The following MED1 variants were observed in gnomAD, a reference collection of about 807,000 sequenced individuals.
MED1 encodes the protein mediator complex subunit 1.
Under a neutral mutation model 121.3 loss-of-function variants are expected in MED1, and 17 were observed. That is an observed-to-expected ratio of 0.14 (90% confidence interval 0.10 to 0.21). The LOEUF (loss-of-function observed/expected upper bound fraction) is 0.21, where lower values mean the gene tolerates loss of function less well. MED1 is among the 10% of genes least tolerant of loss of function. The probability of loss-of-function intolerance (pLI) is 1.00; values close to 1 mark genes in which losing one functional copy is unlikely to be tolerated. For missense variants in MED1, 1,558 were observed against 1,919.4 expected, an observed-to-expected ratio of 0.81 and a Z score of 3.52; for synonymous variants, 661 against 694.4, an observed-to-expected ratio of 0.95 and a Z score of 0.76.
Position 39,404,768 on chromosome 17 carries a change from A to T in MED1, c.*2707T>A. The T allele has an allele frequency of 6.5e-6, 1 of 153,652 alleles. No homozygotes were observed. The highest frequency in any genetic ancestry group is 1.5e-5 in the Non-Finnish European group (1 of 68,822). 9.5% of individuals were successfully genotyped at this position (153,652 alleles called of 1,614,324 possible). A position where few individuals can be genotyped will look rare whatever the true frequency, so the allele number is the denominator to read the frequency against. On this transcript the variant is annotated 3_prime_UTR_variant, in exon 17 of 17. Coordinates refer to ENST00000300651, the MANE Select transcript of MED1 (RefSeq NM_004774.4). ...GAGAATTCATGATATTGCTGCACTT[A>T]ATTTTCTGATCTAGGCCTGAAGAAA...
At chr17:39,420,261 G>GC (rs2048449422) in intron 13 of MED1, among the ~76,000 whole-genome samples, 1 of 146,638 alleles carries the variant, frequency 6.8e-6, no homozygotes, top group Non-Finnish European at 1.5e-5. Flanking sequence ...GTGCAGTGGT[G>GC]CGATCTCGGC....
intron 1 of MED1, among the ~76,000 whole-genome samples, chr17:39,450,771 C>A (rs555361412): frequency 3.3e-5 from 5 of 152,274 alleles, no homozygotes; most frequent in African/African-American, 1.2e-4. Context: ...ATTTTGTATT[C>A]ATTTGCCCCG....
chr17:39,439,740 C>A (rs1173659719), intron 5 of MED1, among the ~76,000 whole-genome samples: 1 of 151,954 alleles, frequency 6.6e-6, no homozygotes, highest in Non-Finnish European at 1.5e-5. Flanking sequence ...GAGCTGGAGA[C>A]CAGCCTGGCC....
chr17:39,422,781 C>G (rs1312078668), intron 13 of MED1, among the ~76,000 whole-genome samples: 1 of 150,572 alleles, frequency 6.6e-6, no homozygotes, highest in Non-Finnish European at 1.5e-5. Flanking sequence ...GGCCAATCAC[C>G]CAAAATTTCA....
chr17:39,414,634 CTTT>C lies in MED1; in HGVS notation c.1499+389_1499+391del, dbSNP rs55829399. On this transcript the variant is annotated intron_variant, in intron 16 of 16. Coordinates refer to ENST00000300651, the MANE Select transcript of MED1 (RefSeq NM_004774.4). ...ACAGGCGTGAGCCACCAGGCCCGGC[CTTT>C]TTTTTTTTTTTTTTTTTTTTTTTTT... Among the ~76,000 whole-genome samples, 196 of 61,212 alleles carry C rather than the reference CTTT, an allele frequency of 3.2e-3. 1 individual carries two copies. Among genetic ancestry groups the C allele is most frequent in the Non-Finnish European group, 4.2e-3 (135 of 32,176 alleles). 40.2% of individuals were successfully genotyped at this position (61,212 alleles called of 152,430 possible).
intron 8 of MED1, 28 bp from the exon 9 acceptor site, chr17:39,431,216 T>C (rs1567648196): frequency 1.9e-6 from 3 of 1,554,048 alleles, no homozygotes; most frequent in East Asian, 2.2e-5. Flanking sequence ...TATGTTTGCT[T>C]ATATTTAATC....
In MED1 at chr17:39,408,574, G is replaced by C. The variant is rs754349578; in HGVS notation, c.3647C>G (p.Pro1216Arg). The C allele has an allele frequency of 1.2e-6, 2 of 1,614,212 alleles. No individual in the cohort carries two copies. The highest frequency in any genetic ancestry group is 1.7e-6 in the Non-Finnish European group (2 of 1,180,034). ...AGGGGACTTGGCTTTAGAGGATGGA[G>C]GAGTTCCAGGAACAGGCTTCATTGG... ...ASPMKPVPGT[P>R]PSSKAKSPIS... Residue 1216 changes from proline to arginine, a missense_variant, in exon 17 of 17, where the codon CCT becomes CGT. By Grantham distance (103) the Pro-to-Arg change is moderately radical. Around this residue, in one of 5 missense-constraint regions of MED1, gnomAD observed 793 missense variants for 898.2 expected, o/e 0.88. Coordinates refer to ENST00000300651, the MANE Select transcript of MED1 (RefSeq NM_004774.4). This position sits in a 1 kb window ranked among gnomAD's most constrained non-coding sequence, Gnocchi z 4.7.
intron 16 of MED1, among the ~76,000 whole-genome samples, chr17:39,412,202 GAAC>G (rs2048362161): frequency 6.6e-6 from 1 of 150,600 alleles, no homozygotes; most frequent in African/African-American, 2.4e-5. Context: ...TTTTGCTCTA[GAAC>G]ATATGTCAGC....
At position 39,415,072 on chromosome 17, in the gene MED1, C is replaced by T; in HGVS notation, c.1453G>A (p.Asp485Asn). The change falls in exon 16 of 17, where the codon GAT (aspartate) becomes AAT (asparagine). Residue 485 changes from aspartate (D) to asparagine (N), a missense_variant. By Grantham distance (23) the Asp-to-Asn change is conservative. Coordinates refer to ENST00000300651, the MANE Select transcript of MED1 (RefSeq NM_004774.4). ...VSCKLYKGLS[D>N]ALICTDDFIA... ...AAGTCATCTGTGCAGATCAGTGCAT[C>T]CGACAGCCCTTTGTAGAGTTTACAG... 1.2e-6 allele frequency: 2 copies of T among 1,614,166 alleles called. No individual in the cohort carries two copies. The highest frequency in any genetic ancestry group is 1.7e-6 in the Non-Finnish European group (2 of 1,180,024).
chr17:39,436,455 G>A (rs952816868), intron 6 of MED1, among the ~76,000 whole-genome samples: 4 of 151,080 alleles, frequency 2.6e-5, no homozygotes, highest in East Asian at 3.9e-4. Context: ...CTCATGTGGT[G>A]CCTGAGAACT....
intron 2 of MED1, chr17:39,445,476 T>C (rs1327168022): frequency 6.6e-6 from 1 of 152,022 alleles, no homozygotes; most frequent in Non-Finnish European, 1.5e-5. Context: ...CCTCCCAAAG[T>C]GCTGGGATTA....
Position 39,440,743 on chromosome 17 carries a change from G to A in MED1, c.212-66C>T, listed in dbSNP as rs747529187. On this transcript the variant is annotated intron_variant, in intron 3 of 16. Coordinates refer to ENST00000300651, the MANE Select transcript of MED1 (RefSeq NM_004774.4). The surrounding 1 kb of genome is among the most constrained non-coding windows in gnomAD (Gnocchi z 4.1). ...AATGACTTAAATGATATTCTTTTAA[G>A]ACAGAAAGATTCATCCTTCCAAAAC... 3 of 1,425,924 alleles carry A rather than the reference G, an allele frequency of 2.1e-6. No individual in the cohort carries two copies. Among genetic ancestry groups the A allele is most frequent in the African/African-American group, 1.4e-5 (1 of 69,538 alleles). The allele number at this position is 1,425,924 out of a possible 1,614,324, so 88.3% of individuals were successfully genotyped here. A position where few individuals can be genotyped will look rare whatever the true frequency, so the allele number is the denominator to read the frequency against.
chr17:39,449,472 C>T (rs570168194), intron 1 of MED1, among the ~76,000 whole-genome samples: 1 of 151,708 alleles, frequency 6.6e-6, no homozygotes, highest in African/African-American at 2.4e-5. Flanking sequence ...TGAGCCACTA[C>T]CTGGAGCTAA....
At position 39,440,552 on chromosome 17, in the gene MED1, A is replaced by G. The variant is rs2048665602; in HGVS notation, c.267-34T>C. The G allele has an allele frequency of 6.2e-7, 1 of 1,612,252 alleles. No homozygotes were observed. Among genetic ancestry groups the G allele is most frequent in the Non-Finnish European group, 8.5e-7 (1 of 1,179,570 alleles). ...AACAAATCAAAACAAAAATTAATAGAAGACACATAAATAAAGCCACCCAAA... is the reference window on the plus strand; with the variant it reads ...AACAAATCAAAACAAAAATTAATAGGAGACACATAAATAAAGCCACCCAAA... On this transcript the variant is annotated intron_variant, in intron 4 of 16. Transcript: ENST00000300651. This position sits in a 1 kb window ranked among gnomAD's most constrained non-coding sequence, Gnocchi z 4.1.
intron 10 of MED1, 67 bp downstream of exon 10, chr17:39,427,634 A>C (rs976284342): frequency 1.7e-5 from 20 of 1,187,030 alleles, no homozygotes; most frequent in Non-Finnish European, 2.3e-5. Context: ...GAGAATAGCA[A>C]ACCAGAAATT....
Position 39,409,833 on chromosome 17 carries a change from A to G in MED1, c.2388T>C (p.Thr796=), listed in dbSNP as rs142781717. The change falls in exon 17 of 17, where the codon ACT becomes ACC. Residue 796 remains threonine, a synonymous_variant. Coordinates refer to ENST00000300651, the MANE Select transcript of MED1 (RefSeq NM_004774.4). ...TGCCAATGGCTGGGCAATCATCACT[A>G]GTGCTGGGAAGTTTAGAAGCTTCTT... The part of the protein sequence containing the change: ...IAEEASKLPS[T]SDDCPAIGTP... 1.7e-5 allele frequency: 27 copies of G among 1,614,070 alleles called. No individual in the cohort carries two copies. Among genetic ancestry groups the G allele is most frequent in the Non-Finnish European group, 2.2e-5 (26 of 1,180,054 alleles).
chr17:39,429,876 C>CAGG (rs2048549857), intron 9 of MED1, among the ~76,000 whole-genome samples: 2 of 151,754 alleles, frequency 1.3e-5, no homozygotes, highest in African/African-American at 2.4e-5. Flanking sequence ...CACTTGATCC[C>CAGG]AGTTCAAGAC....
intron 2 of MED1, among the ~76,000 whole-genome samples, chr17:39,443,889 G>A (rs997983814): frequency 1.3e-5 from 2 of 152,108 alleles, no homozygotes; most frequent in Non-Finnish European, 2.9e-5. Context: ...AGCACACTGA[G>A]AGGCCAAAGC....
At chr17:39,447,942 C>A in intron 1 of MED1, 38 bp from the exon 2 acceptor site, 1 of 1,309,478 alleles carries the variant, frequency 7.6e-7, no homozygotes, top group South Asian at 1.2e-5. Flanking sequence ...AGTAACTGTT[C>A]TATCAAGACC....
Sources: gnomAD v4.1 joint callset for allele counts (sites outside exome capture counted in the v4.1 genomes callset) on GRCh38, gnomAD v4.1.1 for gene constraint, gnomAD v4.1.1 regional missense constraint, Gnocchi (gnomAD v3.1) non-coding constraint, MANE v1.5 for transcripts, NCBI Gene and HGNC (gene_info 2026-07-23, HGNC 2026-07-21) for gene names.